Variants in GALNT13 observed in about 807,000 individuals in gnomAD.
GALNT13 encodes the protein polypeptide N-acetylgalactosaminyltransferase 13, also known as UDP-GalNAc:polypeptide N-acetylgalactosaminyltransferase 13.
GALNT13 carries 28 observed loss-of-function variants against 64.2 expected under a neutral mutation model. The observed-to-expected ratio is 0.44, with a 90% confidence interval of 0.32 to 0.60. The LOEUF (loss-of-function observed/expected upper bound fraction) is 0.60, where lower values mean the gene tolerates loss of function less well. Among genes scored for constraint, GALNT13 ranks in the 20% least tolerant of loss-of-function variants. GALNT13 has a pLI of 0.05. For missense variants in GALNT13, 577 were observed against 669.8 expected, an observed-to-expected ratio of 0.86 and a Z score of 1.53; for synonymous variants, 214 against 224.6, an observed-to-expected ratio of 0.95 and a Z score of 0.42.
At chr2:154,217,584 G>A (rs1301517004) in intron 4 of GALNT13, among the ~76,000 whole-genome samples, 5 of 151,974 alleles carry the variant, frequency 3.3e-5, no homozygotes, top group African/African-American at 7.2e-5. Flanking sequence ...CCATGCTGAC[G>A]TTGTTGATCC....
At chr2:154,193,755 G>A (rs888753003) in intron 4 of GALNT13, among the ~76,000 whole-genome samples, 3 of 152,166 alleles carry the variant, frequency 2.0e-5, no homozygotes, top group African/African-American at 4.8e-5. Context: ...ATACGTGTGA[G>A]CAAGCTTCTT....
the GALNT13 span, among the ~76,000 whole-genome samples, chr2:153,580,710 T>C: frequency 2.6e-5 from 4 of 152,182 alleles, no homozygotes; most frequent in Admixed American, 6.5e-5. Context: ...CTTGCCTCCA[T>C]CATATAGGTG....
At chr2:154,175,702 G>T (rs1050482181) in intron 4 of GALNT13, among the ~76,000 whole-genome samples, 1 of 152,056 alleles carries the variant, frequency 6.6e-6, no homozygotes, top group African/African-American at 2.4e-5. Context: ...CACCAAAATA[G>T]TTTAAAATAA....
rs1425954076 is a variant in GALNT13 at position 154,242,804 on chromosome 2, A to G, written c.585A>G (p.Gly195=). Residue 195 remains glycine, a synonymous_variant, in exon 6 of 13, where the codon GGA becomes GGG. Transcript: ENST00000392825. ...GGTTAATACGTGCCCGTCTTCGAGG[A>G]GCAGCTGCTTCAAAAGGGCAGGTCA... is the stretch of plus-strand genomic sequence containing the variant. ...RSGLIRARLR[G]AAASKGQVIT... The G allele has an allele frequency of 1.2e-6, 2 of 1,614,088 alleles. No individual in the cohort carries two copies. Among genetic ancestry groups the G allele is most frequent in the Non-Finnish European group, 1.7e-6 (2 of 1,179,934 alleles).
At chr2:153,182,888 G>A in the GALNT13 span, among the ~76,000 whole-genome samples, 2 of 152,106 alleles carry the variant, frequency 1.3e-5, no homozygotes, top group Non-Finnish European at 2.9e-5. Context: ...TTGATTCCAT[G>A]TCTTTGCTAT....
chr2:153,542,750 AG>A, the GALNT13 span, among the ~76,000 whole-genome samples: 8 of 152,204 alleles, frequency 5.3e-5, no homozygotes, highest in Non-Finnish European at 1.0e-4. Flanking sequence ...TAGGCCTAGG[AG>A]AAGTTTCAGG....
At chr2:154,325,424 A>G (rs1527866) in intron 9 of GALNT13, among the ~76,000 whole-genome samples, 151,383 of 152,238 alleles carry the variant, frequency 0.99, 75,269 homozygotes, top group Middle Eastern at 1. Context: ...ATACACTAGA[A>G]TATGTTAAGG....
At chr2:153,794,122 G>A in the GALNT13 span, among the ~76,000 whole-genome samples, 26 of 152,234 alleles carry the variant, frequency 1.7e-4, no homozygotes, top group South Asian at 5.0e-3. Context: ...AGCATGGGCA[G>A]TTTTAATCTT....
the GALNT13 span, among the ~76,000 whole-genome samples, chr2:153,089,758 G>A: frequency 6.6e-6 from 1 of 151,924 alleles, no homozygotes; most frequent in Non-Finnish European, 1.5e-5. Context: ...ACTTCTCTGA[G>A]TGTGTTTTTC....
the GALNT13 span, among the ~76,000 whole-genome samples, chr2:153,272,353 A>G: frequency 1.3e-5 from 2 of 151,910 alleles, no homozygotes; most frequent in African/African-American, 4.8e-5. Context: ...AAATTTTTGC[A>G]GTCTATCCAA....
the GALNT13 span, among the ~76,000 whole-genome samples, chr2:153,645,609 G>A: frequency 6.6e-6 from 1 of 152,092 alleles, no homozygotes; most frequent in Non-Finnish European, 1.5e-5. Flanking sequence ...CATGATTTAT[G>A]GATTTTGTAT....
intron 11 of GALNT13, among the ~76,000 whole-genome samples, chr2:154,432,182 T>C (rs1700741365): frequency 6.6e-6 from 1 of 152,332 alleles, no homozygotes; most frequent in South Asian, 2.1e-4. Flanking sequence ...AGTCACATTA[T>C]AAAACACCTT....
intron 10 of GALNT13, among the ~76,000 whole-genome samples, chr2:154,403,204 G>A (rs576942007): frequency 3.9e-5 from 6 of 152,096 alleles, no homozygotes; most frequent in Non-Finnish European, 8.8e-5. Context: ...CTGTAACCTA[G>A]CACTTTGGGA....
At chr2:154,157,115 C>CCT (rs2105650454) in intron 4 of GALNT13, among the ~76,000 whole-genome samples, 1 of 152,190 alleles carries the variant, frequency 6.6e-6, no homozygotes, top group African/African-American at 2.4e-5. Context: ...TCCCTCACAC[C>CCT]TATAATACTT....
At chr2:153,447,323 C>T in the GALNT13 span, among the ~76,000 whole-genome samples, 2 of 152,248 alleles carry the variant, frequency 1.3e-5, no homozygotes, top group East Asian at 1.9e-4. Flanking sequence ...ATAGCTCTGG[C>T]CTCCAAAACT....
chr2:153,410,189 G>A, the GALNT13 span, among the ~76,000 whole-genome samples: 25 of 151,850 alleles, frequency 1.6e-4, no homozygotes, highest in African/African-American at 5.8e-4. Flanking sequence ...GGGCTCAAGT[G>A]ATCCTCCCAC....
chr2:153,835,416 A>G, the GALNT13 span, among the ~76,000 whole-genome samples: 1 of 152,070 alleles, frequency 6.6e-6, no homozygotes, highest in African/African-American at 2.4e-5. Context: ...CATTCAAAGC[A>G]TCTGATGCAA....
At chr2:154,307,558 A>G (rs1414099001) in intron 9 of GALNT13, among the ~76,000 whole-genome samples, 2 of 152,198 alleles carry the variant, frequency 1.3e-5, no homozygotes, top group African/African-American at 4.8e-5. Flanking sequence ...TCTTCTAAAT[A>G]GATGTGTAAA....
chr2:153,403,829 G>T, the GALNT13 span, among the ~76,000 whole-genome samples: 1 of 152,154 alleles, frequency 6.6e-6, no homozygotes, highest in Non-Finnish European at 1.5e-5. Context: ...CCCACTGTCT[G>T]GCACTCCCTA....
Sources: allele counts gnomAD v4.1 joint callset (sites outside exome capture counted in the v4.1 genomes callset), GRCh38; gene constraint gnomAD v4.1.1; transcripts MANE v1.5; gene names NCBI Gene and HGNC (gene_info 2026-07-23, HGNC 2026-07-21).